SEC31A: variants seen among roughly 807,000 people sequenced by gnomAD.
The protein encoded by SEC31A is protein transport protein Sec31A.
Under a neutral mutation model 151.0 loss-of-function variants are expected in SEC31A, and 70 were observed. The ratio of observed to expected loss-of-function variants is 0.46; its 90% CI spans 0.38 to 0.57. The LOEUF is 0.57. Ranked by LOEUF, SEC31A falls within the 20% of genes least tolerant of loss-of-function variation. SEC31A has a pLI of 0.00. For missense variants in SEC31A, 1,330 were observed against 1,471.2 expected (o/e 0.90, Z 1.57); for synonymous variants, 475 against 505.9 (o/e 0.94, Z 0.82).
chr4:82,893,406 T>C (rs1719929489), upstream of SEC31A: 1 of 152,212 alleles, frequency 6.6e-6, no homozygotes, highest in South Asian at 2.1e-4. Context: ...TCCCCTCATT[T>C]CAACAGTCTT....
Position 82,891,142 on chromosome 4 carries a change from C to CT in SEC31A, c.-60dup. 2 of 1,535,896 alleles carry CT rather than the reference C, an allele frequency of 1.3e-6. No individual in the cohort carries two copies. The highest frequency in any genetic ancestry group is 1.7e-6 in the Non-Finnish European group (2 of 1,146,762). On this transcript the variant is annotated 5_prime_UTR_variant, in exon 1 of 27. It introduces an in-frame stop codon into an upstream open reading frame of the 5' UTR. Coordinates refer to ENST00000395310, the MANE Select transcript of SEC31A (RefSeq NM_001077207.4). ...GCGTTAGTGCAGCGCTCGTCGGACT[C>CT]TCCCAGCATTCGCCGCCGCCCCTCC...
chr4:82,846,650 T>G (rs776435890), intron 20 of SEC31A, among the ~76,000 whole-genome samples: 23 of 152,066 alleles, frequency 1.5e-4, no homozygotes, highest in Non-Finnish European at 1.9e-4. Flanking sequence ...ATAGTAAATA[T>G]ATTTTCTCTT....
chr4:82,827,895 A>G (rs1166335368), intron 23 of SEC31A, among the ~76,000 whole-genome samples: 1 of 151,992 alleles, frequency 6.6e-6, no homozygotes, highest in African/African-American at 2.4e-5. Context: ...CTTATCCCCA[A>G]TAAAGCGGAG....
intron 22 of SEC31A, among the ~76,000 whole-genome samples, chr4:82,839,686 T>G (rs1215860071): frequency 6.6e-6 from 1 of 152,232 alleles, no homozygotes; most frequent in South Asian, 2.1e-4. Flanking sequence ...CAGACTACTA[T>G]AAGATACAGT....
chr4:82,882,264 G>A (rs1334034743), intron 1 of SEC31A, among the ~76,000 whole-genome samples: 11 of 151,936 alleles, frequency 7.2e-5, no homozygotes, highest in Non-Finnish European at 1.6e-4. Context: ...TTAGCCGGGC[G>A]TGGTGGCGGG....
chr4:82,875,060 T>C (rs1737606798), intron 5 of SEC31A, among the ~76,000 whole-genome samples: 1 of 152,224 alleles, frequency 6.6e-6, no homozygotes, highest in South Asian at 2.1e-4. Context: ...CAAGGTAGAT[T>C]ATGGACCACA....
intron 5 of SEC31A, among the ~76,000 whole-genome samples, chr4:82,875,223 C>T (rs1192402179): frequency 1.3e-5 from 2 of 152,140 alleles, no homozygotes. Flanking sequence ...AATGGCTACT[C>T]AAGTTGGATA....
intron 10 of SEC31A, among the ~76,000 whole-genome samples, 196 bp from the exon 11 acceptor site, chr4:82,864,794 G>A (rs1162958758): frequency 2.7e-5 from 4 of 149,940 alleles, no homozygotes; most frequent in African/African-American, 4.9e-5. Context: ...TTTTTTTTGA[G>A]ACAGAGTTTC....
intron 1 of SEC31A, 44 bp from the exon 2 acceptor site, chr4:82,881,984 A>G (rs1739453561): frequency 7.1e-7 from 1 of 1,413,242 alleles, no homozygotes; most frequent in Non-Finnish European, 1.0e-6. Context: ...AATGACTTGA[A>G]TGTCTAACAC....
intron 22 of SEC31A, among the ~76,000 whole-genome samples, chr4:82,840,220 C>T (rs555304039): frequency 6.6e-6 from 1 of 152,134 alleles, no homozygotes; most frequent in South Asian, 2.1e-4. Flanking sequence ...ATAACAAGTG[C>T]CAGAACATGT....
intron 6 of SEC31A, 75 bp from the exon 7 acceptor site, chr4:82,872,161 C>T: frequency 9.5e-7 from 1 of 1,056,512 alleles, no homozygotes; most frequent in Non-Finnish European, 1.4e-6. Flanking sequence ...AGAAATATAC[C>T]TTTATTGAAA....
At chr4:82,830,901 A>C in intron 22 of SEC31A, 1 of 1,048,738 alleles carries the variant, frequency 9.5e-7, no homozygotes, top group Non-Finnish European at 1.2e-6. Flanking sequence ...TCAATTATTC[A>C]AAGATTTCCA....
intron 25 of SEC31A, 80 bp from the exon 26 acceptor site, chr4:82,821,188 C>A: frequency 1.0e-6 from 1 of 999,754 alleles, no homozygotes. Context: ...TTGCACTAAA[C>A]CTTATACTTA....
At chr4:82,887,815 T>G (rs1160123987) in intron 1 of SEC31A, among the ~76,000 whole-genome samples, 1 of 151,990 alleles carries the variant, frequency 6.6e-6, no homozygotes, top group South Asian at 2.1e-4. Flanking sequence ...TCCCAGCACT[T>G]TGGGAGGTCG....
chr4:82,820,946 T>G, intron 26 of SEC31A, 91 bp downstream of exon 26: 1 of 1,040,272 alleles, frequency 9.6e-7, no homozygotes, highest in African/African-American at 1.6e-5. Context: ...TTTGCCCCCA[T>G]GCATACTAAA....
intron 22 of SEC31A, among the ~76,000 whole-genome samples, chr4:82,831,703 G>C (rs1182120754): frequency 6.6e-6 from 1 of 152,090 alleles, no homozygotes; most frequent in East Asian, 1.9e-4. Flanking sequence ...GTAATTTCTG[G>C]GGTCATACTG....
chr4:82,886,582 T>C (rs949881743), intron 1 of SEC31A, among the ~76,000 whole-genome samples: 7 of 152,300 alleles, frequency 4.6e-5, no homozygotes, highest in Non-Finnish European at 8.8e-5. Flanking sequence ...CTTTCTAAGA[T>C]ATAAAAAAGG....
chr4:82,882,159 T>C (rs1739495532), intron 1 of SEC31A, among the ~76,000 whole-genome samples: 1 of 152,158 alleles, frequency 6.6e-6, no homozygotes, highest in Admixed American at 6.5e-5. Flanking sequence ...ATCCCAGCAC[T>C]TTGGGAGGCC....
intron 1 of SEC31A, among the ~76,000 whole-genome samples, chr4:82,884,280 C>T (rs1221967784): frequency 6.6e-6 from 1 of 151,954 alleles, no homozygotes; most frequent in Non-Finnish European, 1.5e-5. Flanking sequence ...TGAGCCACTG[C>T]GCCCGGCCAT....
Sources: allele counts gnomAD v4.1 joint callset (sites outside exome capture counted in the v4.1 genomes callset), GRCh38; gene constraint gnomAD v4.1.1; transcripts MANE v1.5; gene names NCBI Gene and HGNC (gene_info 2026-07-23, HGNC 2026-07-21).